The following CEP97 variants were observed in gnomAD, a reference collection of about 807,000 sequenced individuals.
CEP97 encodes centrosomal protein 97.
CEP97 carries 43 observed loss-of-function variants against 73.1 expected under a neutral mutation model. The observed-to-expected ratio is 0.59, with a 90% confidence interval of 0.46 to 0.76. The LOEUF (loss-of-function observed/expected upper bound fraction) is 0.76, where lower values mean the gene tolerates loss of function less well. Ranked by LOEUF, CEP97 falls within the 30% of genes least tolerant of loss-of-function variation. The pLI is 0.00. For synonymous variants in CEP97, 337 were observed against 370.0 expected (o/e 0.91, Z 1.02); for missense variants, 939 against 1,014.0 (o/e 0.93, Z 1.00).
At chr3:101,757,557 G>A (rs1161371803) in intron 8 of CEP97, 77 bp from the exon 9 acceptor site, 2 of 1,367,472 alleles carry the variant, frequency 1.5e-6, no homozygotes, top group Admixed American at 4.5e-5. Context: ...CTATTTCAAG[G>A]AATAGATTTC....
At chr3:101,727,868 A>C (rs1474538784) in intron 3 of CEP97, among the ~76,000 whole-genome samples, 1 of 152,160 alleles carries the variant, frequency 6.6e-6, no homozygotes, top group African/African-American at 2.4e-5. Context: ...AAGTTAGGAG[A>C]TCTGAATTCT....
chr3:101,744,690 T>C (rs1214063840), intron 6 of CEP97, among the ~76,000 whole-genome samples: 3 of 152,074 alleles, frequency 2.0e-5, no homozygotes, highest in Non-Finnish European at 2.9e-5. Context: ...TCAACAGTGC[T>C]CCCATGCTTT....
chr3:101,759,641 C>T (rs940802330), intron 9 of CEP97: 1 of 152,194 alleles, frequency 6.6e-6, no homozygotes, highest in Non-Finnish European at 1.5e-5. Context: ...TCAGGATATT[C>T]CAAGGGCTTG....
chr3:101,725,200 T>TA (rs1372569589), intron 1 of CEP97, among the ~76,000 whole-genome samples: 1 of 152,202 alleles, frequency 6.6e-6, no homozygotes, highest in African/African-American at 2.4e-5. Flanking sequence ...GTGGCCGTGA[T>TA]AAAATCTAAG....
In CEP97 at chr3:101,735,984, G is replaced by A. The variant is rs890199109; in HGVS notation, c.728+3330G>A. 2.6e-5 allele frequency among the ~76,000 whole-genome samples: 4 copies of A among 152,158 alleles called. 1 individual carries two copies. The East Asian group carries it at 5.8e-4, about 22-fold the overall frequency. Reference sequence around the variant, plus strand: ...GCTGCCAGTACAGCAGTCTGAAGTCGACCTGGGATGCTCGAGCTTGTCGGG... The same window carrying A: ...GCTGCCAGTACAGCAGTCTGAAGTCAACCTGGGATGCTCGAGCTTGTCGGG... On this transcript the variant is annotated intron_variant, in intron 6 of 10. Coordinates refer to ENST00000341893, the MANE Select transcript of CEP97 (RefSeq NM_024548.4).
intron 1 of CEP97, among the ~76,000 whole-genome samples, chr3:101,725,401 G>A (rs1209063857): frequency 6.6e-6 from 1 of 152,188 alleles, no homozygotes; most frequent in Non-Finnish European, 1.5e-5. Context: ...GCAGCAGTCA[G>A]TCCTCTAAAT....
chr3:101,726,580 C>T lies in CEP97; in HGVS notation c.44-14C>T, dbSNP rs767322867. 42 of 1,551,564 alleles carry T rather than the reference C, an allele frequency of 2.7e-5. No individual in the cohort carries two copies. Among genetic ancestry groups the T allele is most frequent in the African/African-American group, 1.1e-4 (8 of 71,458 alleles). On this transcript the variant is annotated splice_polypyrimidine_tract_variant and intron_variant, in intron 1 of 10. Transcript: ENST00000341893. The stretch of plus-strand genomic sequence containing the variant: ...TTTTATTTGTGTTTTCTAACATTTC[C>T]GTTTCTTTTCAAGGATCAGTGGTCA...
At chr3:101,760,342 A>C (rs1022846499) in intron 9 of CEP97, among the ~76,000 whole-genome samples, 13 of 152,240 alleles carry the variant, frequency 8.5e-5, no homozygotes, top group African/African-American at 2.6e-4. Flanking sequence ...GGACAATGTG[A>C]GAAAATGCTT....
intron 9 of CEP97, chr3:101,759,271 A>G (rs574948710): frequency 6.6e-6 from 1 of 152,378 alleles, no homozygotes; most frequent in African/African-American, 2.4e-5. Flanking sequence ...CCTAGGGCAG[A>G]GTCTAGGAGA....
chr3:101,760,988 G>A (rs904187086), intron 9 of CEP97, among the ~76,000 whole-genome samples: 16 of 151,642 alleles, frequency 1.1e-4, no homozygotes, highest in African/African-American at 2.2e-4. Flanking sequence ...TCAGCCTCCC[G>A]AGTAGCTGGG....
intron 5 of CEP97, 97 bp from the exon 6 acceptor site, chr3:101,732,391 C>T: frequency 1.2e-6 from 1 of 810,390 alleles, no homozygotes; most frequent in Non-Finnish European, 2.0e-6. Context: ...GGGAAATTAT[C>T]ACATTCTCAA....
chr3:101,755,420 C>T lies in CEP97; in HGVS notation c.729-10C>T, dbSNP rs1378839706. 1.9e-6 allele frequency: 3 copies of T among 1,612,986 alleles called. No individual in the cohort carries two copies. Among genetic ancestry groups the T allele is most frequent in the Non-Finnish European group, 1.7e-6 (2 of 1,179,404 alleles). On this transcript the variant is annotated splice_polypyrimidine_tract_variant and intron_variant, in intron 6 of 10. Coordinates refer to ENST00000341893, the MANE Select transcript of CEP97 (RefSeq NM_024548.4). ...TGCCATCTCCTCTTTTTTATGTTCC[C>T]CAATTCCAGTTTGAAAGCTGAATGG...
In CEP97 at chr3:101,768,437, T is replaced by C. The variant is rs1295227159; in HGVS notation, c.*2886T>C. The C allele has an allele frequency of 1.3e-5, 2 of 152,108 alleles. No individual in the cohort carries two copies. The highest frequency in any genetic ancestry group is 2.9e-5 in the Non-Finnish European group (2 of 68,020). 9.4% of individuals were successfully genotyped at this position (152,108 alleles called of 1,614,324 possible). On this transcript the variant is annotated 3_prime_UTR_variant, in exon 11 of 11. Transcript: ENST00000341893. ...TACAACTCTATCACTCATGACAGAG[T>C]TGCTTGTAGAAAATAACTAATTCCT...
Position 101,757,901 on chromosome 3 carries a change from A to T in CEP97, c.1295A>T (p.Asp432Val). The change falls in exon 9 of 11, where the codon GAT becomes GTT. Residue 432 changes from aspartate to valine, a missense_variant. By Grantham distance (152) the Asp-to-Val change is radical. Coordinates refer to ENST00000341893, the MANE Select transcript of CEP97 (RefSeq NM_024548.4). ...CAGGGCATTAACTTGGGCCTAGAAG[A>T]TGATGGTGTTGCAGATGAATCTGTG... Reference protein sequence around the residue: ...RLQGINLGLEDDGVADESVKG... With the variant: ...RLQGINLGLEVDGVADESVKG... The T allele has an allele frequency of 6.2e-7, 1 of 1,614,254 alleles. No homozygotes were observed. Among genetic ancestry groups the T allele is most frequent in the Non-Finnish European group, 8.5e-7 (1 of 1,180,040 alleles).
intron 6 of CEP97, among the ~76,000 whole-genome samples, chr3:101,735,983 C>T (rs929686342): frequency 2.0e-5 from 3 of 152,154 alleles, no homozygotes; most frequent in Non-Finnish European, 4.4e-5. Context: ...AGTCTGAAGT[C>T]GACCTGGGAT....
At chr3:101,726,997 TG>T (rs1937912544) in intron 2 of CEP97, among the ~76,000 whole-genome samples, 1 of 152,154 alleles carries the variant, frequency 6.6e-6, no homozygotes, top group African/African-American at 2.4e-5. Context: ...TACCTCATGA[TG>T]GGGGTAAAGA....
rs1212464640 is a variant in CEP97, at chr3:101,767,756, A to G, written c.*2205A>G. ...ATATTCTGTTCTTCGTCTGTGTTTT[A>G]TTTAACTTTTACTAGTGTTTAGAAG... On this transcript the variant is annotated 3_prime_UTR_variant, in exon 11 of 11. Transcript: ENST00000341893. The G allele has an allele frequency of 1.3e-5, 2 of 152,174 alleles. No homozygotes were observed. The highest frequency in any genetic ancestry group is 2.9e-5 in the Non-Finnish European group (2 of 68,018). The allele number at this position is 152,174 out of a possible 1,614,324, so 9.4% of individuals were successfully genotyped here. A position where few individuals can be genotyped will look rare whatever the true frequency, so the allele number is the denominator to read the frequency against.
chr3:101,732,682 A>C, intron 6 of CEP97, 28 bp downstream of exon 6: 2 of 1,566,938 alleles, frequency 1.3e-6, no homozygotes, highest in Non-Finnish European at 1.7e-6. Context: ...AACATCACAA[A>C]TGTTACTGAA....
At chr3:101,727,771 A>G (rs970730162) in intron 3 of CEP97, among the ~76,000 whole-genome samples, 4 of 152,222 alleles carry the variant, frequency 2.6e-5, no homozygotes, top group South Asian at 2.1e-4. Flanking sequence ...AGATCAAACC[A>G]TAGAGTGTTT....
Sources: gnomAD v4.1 joint callset for allele counts (sites outside exome capture counted in the v4.1 genomes callset) on GRCh38, gnomAD v4.1.1 for gene constraint, MANE v1.5 for transcripts, NCBI Gene and HGNC (gene_info 2026-07-23, HGNC 2026-07-21) for gene names.